The following PJA2 variants were observed in gnomAD, a reference collection of about 807,000 sequenced individuals.
PJA2 encodes the protein E3 ubiquitin-protein ligase Praja-2.
A neutral mutation model predicts 69.3 loss-of-function variants in PJA2; 25 were observed. The ratio of observed to expected loss-of-function variants is 0.36; its 90% CI spans 0.26 to 0.50. PJA2 has a LOEUF of 0.50. Ranked by LOEUF, PJA2 falls within the 20% of genes least tolerant of loss-of-function variation. The pLI is 0.96. For missense variants in PJA2, 809 were observed against 830.2 expected (o/e 0.97, Z 0.31); for synonymous variants, 308 against 277.8 (o/e 1.11, Z -1.08).
At chr5:109,357,535 G>C (rs1015322819) in intron 6 of PJA2, among the ~76,000 whole-genome samples, 38 of 152,124 alleles carry the variant, frequency 2.5e-4, no homozygotes, top group Admixed American at 7.9e-4. Context: ...CCCTCATCTA[G>C]CAGTAAGATG....
At chr5:109,395,944 G>A (rs1319927235) in intron 1 of PJA2, among the ~76,000 whole-genome samples, 2 of 149,884 alleles carry the variant, frequency 1.3e-5, no homozygotes, top group Non-Finnish European at 3.0e-5. Context: ...AGATTGCAGT[G>A]AGCCGAGAAT....
At chr5:109,377,594 T>C (rs957944169) in intron 4 of PJA2, among the ~76,000 whole-genome samples, 15 of 152,208 alleles carry the variant, frequency 9.9e-5, no homozygotes, top group African/African-American at 3.6e-4. Flanking sequence ...AGTCCAGCTC[T>C]ACCATTAAGT....
chr5:109,379,706 T>C (rs566861938), intron 3 of PJA2, among the ~76,000 whole-genome samples: 1 of 152,330 alleles, frequency 6.6e-6, no homozygotes, highest in South Asian at 2.1e-4. Flanking sequence ...ATAATAACTA[T>C]AGTTACAGAT....
rs1253282358 is a variant in PJA2, at chr5:109,383,425, C to T, written c.9G>A (p.Gln3=). Residue 3 remains glutamine, a synonymous_variant, in exon 2 of 10, where the codon CAG becomes CAA. Coordinates refer to ENST00000361189, the MANE Select transcript of PJA2 (RefSeq NM_014819.5). The part of the protein sequence containing the change: MS[Q]YTEKEPAAMD... ...TACCTGCTGGCTCCTTTTCAGTGTACTGTGACATATATGGCAGCGTCTGTG... is the reference window on the plus strand; with the variant it reads ...TACCTGCTGGCTCCTTTTCAGTGTATTGTGACATATATGGCAGCGTCTGTG... 6.2e-7 allele frequency: 1 copy of T among 1,612,750 alleles called. No individual in the cohort carries two copies.
In PJA2 at chr5:109,336,637, C is replaced by T. The variant is rs982552366; in HGVS notation, c.*594G>A. 6.6e-6 allele frequency: 1 copy of T among 152,068 alleles called. No individual in the cohort carries two copies. The allele number at this position is 152,068 out of a possible 1,614,324, so 9.4% of individuals were successfully genotyped here. On this transcript the variant is annotated 3_prime_UTR_variant, in exon 10 of 10. Coordinates refer to ENST00000361189, the MANE Select transcript of PJA2 (RefSeq NM_014819.5). ...TTTATTTCAGGGGGAGTTACGTCTA[C>T]GATTTAAAACTTTTGTAATGTTCTG...
At chr5:109,380,111 T>TTTTTA (rs1747007197) in intron 3 of PJA2, among the ~76,000 whole-genome samples, 1 of 116,338 alleles carries the variant, frequency 8.6e-6, no homozygotes, top group Non-Finnish European at 1.9e-5. Flanking sequence ...TTTTTTTTTT[T>TTTTTA]GAGACGGAGT....
intron 9 of PJA2, among the ~76,000 whole-genome samples, chr5:109,341,755 C>A (rs1301131508): frequency 1.6e-5 from 1 of 61,972 alleles, no homozygotes; most frequent in African/African-American, 6.1e-5. Flanking sequence ...CCCGGCCAGC[C>A]GCCCCGTCCG....
chr5:109,378,058 G>T, intron 4 of PJA2, 146 bp downstream of exon 4: 1 of 625,276 alleles, frequency 1.6e-6, no homozygotes, highest in Non-Finnish European at 2.7e-6. Flanking sequence ...TGCATGTATG[G>T]TTAGCATTCA....
chr5:109,338,010 G>C (rs1483877476), intron 9 of PJA2, among the ~76,000 whole-genome samples: 2 of 152,048 alleles, frequency 1.3e-5, no homozygotes, highest in Admixed American at 6.5e-5. Context: ...TTGGAGAGAA[G>C]GTGGGAAGGA....
chr5:109,371,351 T>C (rs1396128710), intron 4 of PJA2, among the ~76,000 whole-genome samples: 1 of 152,228 alleles, frequency 6.6e-6, no homozygotes, highest in African/African-American at 2.4e-5. Context: ...AATTAATCTG[T>C]CAGATGAATC....
At chr5:109,365,822 G>A (rs1227443471) in intron 5 of PJA2, among the ~76,000 whole-genome samples, 1 of 152,132 alleles carries the variant, frequency 6.6e-6, no homozygotes, top group African/African-American at 2.4e-5. Context: ...TTATTAAGGA[G>A]TCACACAGTT....
chr5:109,374,678 T>C (rs1746815114), intron 4 of PJA2, among the ~76,000 whole-genome samples: 1 of 152,180 alleles, frequency 6.6e-6, no homozygotes, highest in Non-Finnish European at 1.5e-5. Context: ...CAAAGTAAGT[T>C]GTCCCAACAT....
At chr5:109,366,571 GT>G (rs1400496900) in intron 5 of PJA2, among the ~76,000 whole-genome samples, 2 of 152,120 alleles carry the variant, frequency 1.3e-5, no homozygotes, top group Non-Finnish European at 2.9e-5. Flanking sequence ...TCACATCACT[GT>G]TTTATTCCCT....
At chr5:109,341,650 G>A (rs1230429539) in intron 9 of PJA2, among the ~76,000 whole-genome samples, 1 of 58,302 alleles carries the variant, frequency 1.7e-5, no homozygotes, top group Non-Finnish European at 4.2e-5. Flanking sequence ...GAGGGAGGTG[G>A]GGGGGTGAGC....
intron 4 of PJA2, among the ~76,000 whole-genome samples, chr5:109,375,368 G>C (rs1367789778): frequency 6.6e-6 from 1 of 151,656 alleles, no homozygotes; most frequent in East Asian, 1.9e-4. Flanking sequence ...AAATTAGCTG[G>C]GCATGATGGC....
chr5:109,405,536 C>G (rs1747665727), intron 1 of PJA2, among the ~76,000 whole-genome samples: 1 of 152,144 alleles, frequency 6.6e-6, no homozygotes, highest in Admixed American at 6.5e-5. Flanking sequence ...ACCATGATAA[C>G]TCAGTACTGG....
At chr5:109,396,257 A>G (rs778388647) in intron 1 of PJA2, among the ~76,000 whole-genome samples, 24 of 152,120 alleles carry the variant, frequency 1.6e-4, no homozygotes, top group African/African-American at 5.6e-4. Context: ...AACATTCATT[A>G]AAGTTTAAAA....
At chr5:109,338,136 C>T (rs1761979177) in intron 9 of PJA2, among the ~76,000 whole-genome samples, 1 of 151,994 alleles carries the variant, frequency 6.6e-6, no homozygotes, top group Non-Finnish European at 1.5e-5. Context: ...AAGAGAACTC[C>T]CTGCTGGAAG....
intron 9 of PJA2, among the ~76,000 whole-genome samples, chr5:109,340,115 T>C (rs572548410): frequency 9.8e-5 from 15 of 152,334 alleles, no homozygotes; most frequent in African/African-American, 3.4e-4. Flanking sequence ...CTAGCTGGTC[T>C]TTGTAACTTG....
Sources: allele counts gnomAD v4.1 joint callset (sites outside exome capture counted in the v4.1 genomes callset), GRCh38; gene constraint gnomAD v4.1.1; transcripts MANE v1.5; gene names NCBI Gene and HGNC (gene_info 2026-07-23, HGNC 2026-07-21).